The following SHISAL1 variants were observed in gnomAD, a reference collection of about 807,000 sequenced individuals.
SHISAL1 encodes protein shisa-like-1.
Under a neutral mutation model 22.6 loss-of-function variants are expected in SHISAL1, and 9 were observed. That is an observed-to-expected ratio of 0.40 (90% CI 0.24 to 0.70). The LOEUF (loss-of-function observed/expected upper bound fraction) is 0.70, where lower values mean the gene tolerates loss of function less well. Ranked by LOEUF, SHISAL1 falls within the 30% of genes least tolerant of loss-of-function variation. The probability of loss-of-function intolerance (pLI) is 0.39; values close to 1 mark genes in which losing one functional copy is unlikely to be tolerated. For synonymous variants in SHISAL1, 119 were observed against 115.4 expected, an observed-to-expected ratio of 1.03 and a Z score of -0.20; for missense variants, 246 against 270.6, an observed-to-expected ratio of 0.91 and a Z score of 0.64.
At chr22:44,263,175 A>G (rs1340697328) in intron 4 of SHISAL1, among the ~76,000 whole-genome samples, 1 of 142,940 alleles carries the variant, frequency 7.0e-6, no homozygotes, top group Non-Finnish European at 1.5e-5. Context: ...GGTTCCAGCG[A>G]TTCTCCTGCC....
upstream of SHISAL1, among the ~76,000 whole-genome samples, chr22:44,313,474 G>GC (rs2055534991): frequency 2.0e-5 from 3 of 152,214 alleles, no homozygotes; most frequent in Admixed American, 2.0e-4. Context: ...TCCTGCTGTT[G>GC]CCCCCCTACC....
intron 3 of SHISAL1, among the ~76,000 whole-genome samples, chr22:44,287,825 G>A (rs2055326866): frequency 6.6e-6 from 1 of 152,060 alleles, no homozygotes; most frequent in African/African-American, 2.4e-5. Flanking sequence ...CAGTTCCCAG[G>A]CCCTCCTGCT....
intron 1 of SHISAL1, 75 bp from the exon 2 acceptor site, chr22:44,301,052 G>A (rs1245153983): frequency 9.5e-6 from 10 of 1,048,000 alleles, no homozygotes; most frequent in Non-Finnish European, 1.3e-5. Context: ...CACAGCGGGG[G>A]ACGGGCAGGC....
chr22:44,257,105 CA>C (rs1388304516), intron 4 of SHISAL1, among the ~76,000 whole-genome samples: 1 of 152,216 alleles, frequency 6.6e-6, no homozygotes, highest in African/African-American at 2.4e-5. Flanking sequence ...GTTTCTGCTT[CA>C]CTGCTAGTTG....
Position 44,285,548 on chromosome 22 carries a change from TGAC to T in SHISAL1, c.476_478del (p.Gly159_Gln160delinsGlu). 6.5e-7 allele frequency: 1 copy of T among 1,538,494 alleles called. No individual in the cohort carries two copies. Among genetic ancestry groups the T allele is most frequent in the Non-Finnish European group, 9.0e-7 (1 of 1,114,836 alleles). On this transcript the variant is annotated inframe_deletion, in exon 4 of 5. Transcript: ENST00000381176. ...GGGAGGCTGCGGCTGTGGGGCCCGC[TGAC>T]CCGGCCGAGGGGCCCGAGCGGGGTT...
At chr22:44,251,303 A>G (rs567692490) in intron 4 of SHISAL1, among the ~76,000 whole-genome samples, 161 of 152,358 alleles carry the variant, frequency 1.1e-3, no homozygotes, top group African/African-American at 3.8e-3. Flanking sequence ...CCAATGAACC[A>G]TCTGTCAAGA....
At chr22:44,262,282 A>G (rs1189296863) in intron 4 of SHISAL1, among the ~76,000 whole-genome samples, 3 of 152,230 alleles carry the variant, frequency 2.0e-5, no homozygotes, top group African/African-American at 7.2e-5. Context: ...CATGGCTGTC[A>G]TGGCACAAGA....
intron 4 of SHISAL1, among the ~76,000 whole-genome samples, chr22:44,261,077 T>TATATATATATATATATATATA (rs1555925738): frequency 9.2e-6 from 1 of 108,746 alleles, no homozygotes; most frequent in East Asian, 3.1e-4. Context: ...CTTCATTACT[T>TATATATATATATATATATATA]TATATATATA....
At chr22:44,263,090 T>C (rs887810905) in intron 4 of SHISAL1, among the ~76,000 whole-genome samples, 3 of 145,736 alleles carry the variant, frequency 2.1e-5, no homozygotes, top group East Asian at 2.0e-4. Context: ...TTTTTTTTTT[T>C]TTTTTTTTTG....
chr22:44,299,140 A>C (rs978551428), intron 2 of SHISAL1, among the ~76,000 whole-genome samples: 3 of 152,128 alleles, frequency 2.0e-5, no homozygotes, highest in Non-Finnish European at 4.4e-5. Context: ...CGAGCACTAG[A>C]GGCTGTAAAG....
chr22:44,266,438 G>C (rs193239514), intron 4 of SHISAL1, among the ~76,000 whole-genome samples: 1 of 143,728 alleles, frequency 7.0e-6, no homozygotes, highest in African/African-American at 2.7e-5. Flanking sequence ...TGTGTGTTGG[G>C]GGGTTGTGTG....
the SHISAL1 span, among the ~76,000 whole-genome samples, chr22:44,318,702 T>G: frequency 6.6e-6 from 1 of 152,226 alleles, no homozygotes; most frequent in African/African-American, 2.4e-5. Context: ...CAGGGCTGCC[T>G]TTTTCCCTCT....
upstream of SHISAL1, among the ~76,000 whole-genome samples, chr22:44,316,321 G>A (rs1380568929): frequency 6.7e-6 from 1 of 150,352 alleles, no homozygotes; most frequent in Admixed American, 6.7e-5. Context: ...AATGGGAATG[G>A]TACCCAGGGT....
At chr22:44,260,032 G>A (rs1302862381) in intron 4 of SHISAL1, among the ~76,000 whole-genome samples, 4 of 152,146 alleles carry the variant, frequency 2.6e-5, no homozygotes, top group Non-Finnish European at 4.4e-5. Flanking sequence ...ACAACGGTGA[G>A]TTTACAGCCT....
chr22:44,290,277 C>G (rs2055343763), intron 3 of SHISAL1, among the ~76,000 whole-genome samples: 1 of 152,176 alleles, frequency 6.6e-6, no homozygotes, highest in African/African-American at 2.4e-5. Flanking sequence ...CACCTGTAAT[C>G]CCAGCACTCT....
chr22:44,292,568 G>C (rs141031001), intron 3 of SHISAL1, among the ~76,000 whole-genome samples: 13 of 152,194 alleles, frequency 8.5e-5, no homozygotes, highest in African/African-American at 3.1e-4. Flanking sequence ...CTGTGATATC[G>C]TGTGGCCGGG....
upstream of SHISAL1, among the ~76,000 whole-genome samples, chr22:44,315,844 G>A (rs772358824): frequency 6.6e-6 from 1 of 152,136 alleles, no homozygotes; most frequent in African/African-American, 2.4e-5. Flanking sequence ...GGGAGTTGCT[G>A]CCTCCTTCAT....
the SHISAL1 span, among the ~76,000 whole-genome samples, chr22:44,327,206 C>T: frequency 6.6e-6 from 1 of 151,786 alleles, no homozygotes; most frequent in Non-Finnish European, 1.5e-5. Flanking sequence ...CCACCCTGCC[C>T]ACCCCCTTGA....
At chr22:44,328,374 T>C in the SHISAL1 span, among the ~76,000 whole-genome samples, 1 of 152,096 alleles carries the variant, frequency 6.6e-6, no homozygotes, top group Non-Finnish European at 1.5e-5. Context: ...GGCATGAGGA[T>C]TAAGTGGGAA....
Sources: allele counts gnomAD v4.1 joint callset (sites outside exome capture counted in the v4.1 genomes callset), GRCh38; gene constraint gnomAD v4.1.1; transcripts MANE v1.5; gene names NCBI Gene and HGNC (gene_info 2026-07-23, HGNC 2026-07-21).